Variants in PRKN observed in about 807,000 individuals in gnomAD.
The protein encoded by PRKN is E3 ubiquitin-protein ligase parkin.
A neutral mutation model predicts 59.5 loss-of-function variants in PRKN; 56 were observed. The observed-to-expected ratio is 0.94, with a 90% CI of 0.76 to 1.18. The LOEUF (loss-of-function observed/expected upper bound fraction) is 1.18. PRKN is among the 50% of genes most tolerant of loss of function. PRKN has a pLI of 0.00. For missense variants in PRKN, 657 were observed against 596.4 expected (o/e 1.10, Z -1.06); for synonymous variants, 250 against 222.1 (o/e 1.13, Z -1.12).
At chr6:161,599,937 G>A (rs569150275) in intron 7 of PRKN, among the ~76,000 whole-genome samples, 1 of 152,326 alleles carries the variant, frequency 6.6e-6, no homozygotes, top group East Asian at 1.9e-4. Flanking sequence ...GGGTGTCTAT[G>A]ATGACAAAGG....
Position 161,393,158 on chromosome 6 carries a change from G to A in PRKN, c.1084-6281C>T, listed in dbSNP as rs187481687. Among the ~76,000 whole-genome samples the A allele has an allele frequency of 1.3e-5, 2 of 152,264 alleles. No homozygotes were observed. Among genetic ancestry groups the A allele is most frequent in the Admixed American group, 6.5e-5 (1 of 15,300 alleles). ...AATAAGATAAAGAATATTTAACACA[G>A]TTTCTGGTACACAGTAAACACAACA... On this transcript the variant is annotated intron_variant, in intron 9 of 11. Coordinates refer to ENST00000366898, the MANE Select transcript of PRKN (RefSeq NM_004562.3). The surrounding 1 kb of genome is among the most constrained non-coding windows in gnomAD (Gnocchi z 4.7).
At chr6:162,481,454 A>C (rs1792307411) in intron 1 of PRKN, among the ~76,000 whole-genome samples, 2 of 152,308 alleles carry the variant, frequency 1.3e-5, no homozygotes, top group East Asian at 3.9e-4. Flanking sequence ...GGGGGAAAAA[A>C]AAGCAGTTTT....
chr6:161,731,961 G>A (rs1252726212), intron 7 of PRKN, among the ~76,000 whole-genome samples: 1 of 151,760 alleles, frequency 6.6e-6, no homozygotes, highest in Non-Finnish European at 1.5e-5. Flanking sequence ...TTTAACTTTT[G>A]TTTTAGATTC....
At chr6:162,512,041 G>A (rs763127480) in intron 1 of PRKN, among the ~76,000 whole-genome samples, 1 of 152,166 alleles carries the variant, frequency 6.6e-6, no homozygotes, top group Non-Finnish European at 1.5e-5. Context: ...TTGATGAAAA[G>A]TGTTCACTGC....
At position 161,441,524 on chromosome 6, in the gene PRKN, G is replaced by C. The variant is rs1026964942; in HGVS notation, c.1084-54647C>G. Among the ~76,000 whole-genome samples, 3 of 151,694 alleles carry C rather than the reference G, an allele frequency of 2.0e-5. No homozygotes were observed. The East Asian group carries it at 5.8e-4, about 29-fold the overall frequency. On this transcript the variant is annotated intron_variant, in intron 9 of 11. Transcript: ENST00000366898. The stretch of plus-strand genomic sequence containing the variant: ...GCTGGGCGTGGTGGCACGTGCCTGT[G>C]ATCCCAGCTACTCGGGAGGCCAAGG...
chr6:162,127,356 T>C (rs992041971), intron 4 of PRKN, among the ~76,000 whole-genome samples: 1 of 152,232 alleles, frequency 6.6e-6, no homozygotes, highest in African/African-American at 2.4e-5. Flanking sequence ...TTTTCATTGC[T>C]GTCTAGCAAA....
chr6:162,268,503 A>G (rs1780233517), intron 2 of PRKN, among the ~76,000 whole-genome samples: 1 of 152,240 alleles, frequency 6.6e-6, no homozygotes, highest in Admixed American at 6.5e-5. Context: ...TTATAGCAAG[A>G]CAAAGAATAC....
chr6:161,858,858 C>CTTTTTTTTGTTTTTTTTTTTTTT (rs1793766283), intron 6 of PRKN, among the ~76,000 whole-genome samples: 1 of 71,936 alleles, frequency 1.4e-5, no homozygotes, highest in Non-Finnish European at 2.7e-5. Context: ...CACAGCTGTA[C>CTTTTTTTTGTTTTTTTTTTTTTT]TTTTTTTTTT....
intron 3 of PRKN, among the ~76,000 whole-genome samples, chr6:162,261,314 AT>A (rs1200392654): frequency 6.6e-6 from 1 of 152,170 alleles, no homozygotes; most frequent in Non-Finnish European, 1.5e-5. Context: ...GTTTCTCAAA[AT>A]AATCAGCTTA....
At chr6:162,389,655 G>C (rs1406012580) in intron 2 of PRKN, among the ~76,000 whole-genome samples, 1 of 152,164 alleles carries the variant, frequency 6.6e-6, no homozygotes, top group African/African-American at 2.4e-5. Flanking sequence ...ACTAATATCT[G>C]TATAAACCAG....
chr6:161,705,065 C>T (rs151274114), intron 7 of PRKN, among the ~76,000 whole-genome samples: 20 of 152,268 alleles, frequency 1.3e-4, no homozygotes, highest in Admixed American at 9.8e-4. Context: ...CTGGTGATGA[C>T]TATGAGCTTT....
chr6:161,671,420 C>T (rs16888749), intron 7 of PRKN, among the ~76,000 whole-genome samples: 9,711 of 152,192 alleles, frequency 0.064, 520 homozygotes, highest in African/African-American at 0.14. Flanking sequence ...TACACATCCG[C>T]GGCATGGAGC....
At position 161,550,738 on chromosome 6, in the gene PRKN, CGTGTGTGT is replaced by C. The variant is rs57908717; in HGVS notation, c.934-1743_934-1736del. On this transcript the variant is annotated intron_variant, in intron 8 of 11. Transcript: ENST00000366898. The surrounding 1 kb of genome is among the most constrained non-coding windows in gnomAD (Gnocchi z 4.0). ...AAGAAAGGGTATGTGTGTGTGTGCA[CGTGTGTGT>C]GTGTGTGTGTGTGTGTAGGGAGTTG... 1.4e-5 allele frequency among the ~76,000 whole-genome samples: 2 copies of C among 146,308 alleles called. No individual in the cohort carries two copies. Among genetic ancestry groups the C allele is most frequent in the East Asian group, 2.0e-4 (1 of 4,986 alleles).
rs1019313166 is a variant in PRKN at position 161,561,997 on chromosome 6, T to C, written c.933+7358A>G. Among the ~76,000 whole-genome samples the C allele has an allele frequency of 1.3e-5, 2 of 152,166 alleles. No individual in the cohort carries two copies. On this transcript the variant is annotated intron_variant, in intron 8 of 11. Transcript: ENST00000366898. The surrounding 1 kb of genome is among the most constrained non-coding windows in gnomAD (Gnocchi z 5.0). ...CTCCCTGACCTCATCTTCTGCAAAC[T>C]CTCAGTAGCATTCAACACAAATCAC...
At chr6:162,410,497 T>C (rs553946120) in intron 2 of PRKN, among the ~76,000 whole-genome samples, 1 of 152,290 alleles carries the variant, frequency 6.6e-6, no homozygotes, top group African/African-American at 2.4e-5. Context: ...CCAATTTCGC[T>C]CGACTGAAAG....
intron 2 of PRKN, among the ~76,000 whole-genome samples, chr6:162,267,843 T>C (rs930718230): frequency 1.3e-5 from 2 of 152,098 alleles, no homozygotes; most frequent in African/African-American, 4.8e-5. Flanking sequence ...TCTCATCTGG[T>C]TGGACATTAT....
intron 5 of PRKN, among the ~76,000 whole-genome samples, chr6:161,993,914 C>A (rs904130503): frequency 1.3e-5 from 2 of 152,094 alleles, no homozygotes; most frequent in African/African-American, 4.8e-5. Flanking sequence ...CTTTTTTAAA[C>A]AACCAGCTTT....
intron 1 of PRKN, among the ~76,000 whole-genome samples, chr6:162,670,016 T>C (rs1419124190): frequency 3.9e-5 from 6 of 152,234 alleles, no homozygotes; most frequent in Non-Finnish European, 7.3e-5. Context: ...AGAAACCAAA[T>C]TTCCTTCCTT....
At position 161,373,674 on chromosome 6, in the gene PRKN, G is replaced by A. The variant is rs79646999; in HGVS notation, c.1167+13120C>T. ...AAATGGGCTACACCTCTGTGCTTGC[G>A]GGGTGCTGAGTTTAAACGGGCTATG... On this transcript the variant is annotated intron_variant, in intron 10 of 11. Coordinates refer to ENST00000366898, the MANE Select transcript of PRKN (RefSeq NM_004562.3). The surrounding 1 kb of genome is among the most constrained non-coding windows in gnomAD (Gnocchi z 4.8). Among the ~76,000 whole-genome samples the A allele has an allele frequency of 2.1e-3, 320 of 151,686 alleles. 1 individual carries two copies. The highest frequency in any genetic ancestry group is 7.2e-3 in the African/African-American group (296 of 41,346).
Sources: allele counts gnomAD v4.1 joint callset (sites outside exome capture counted in the v4.1 genomes callset), GRCh38; gene constraint gnomAD v4.1.1; non-coding constraint Gnocchi (gnomAD v3.1); transcripts MANE v1.5; gene names NCBI Gene and HGNC (gene_info 2026-07-23, HGNC 2026-07-21).